Variants in ADAMTS12 observed in about 807,000 individuals in gnomAD.
ADAMTS12 encodes the protein ADAM metallopeptidase with thrombospondin type 1 motif 12.
A neutral mutation model predicts 167.8 loss-of-function variants in ADAMTS12; 118 were observed. The ratio of observed to expected loss-of-function variants is 0.70; its 90% CI spans 0.61 to 0.82. The LOEUF (loss-of-function observed/expected upper bound fraction) is 0.82, where lower values mean the gene tolerates loss of function less well. Ranked by LOEUF, ADAMTS12 falls within the 40% of genes least tolerant of loss-of-function variation. ADAMTS12 has a pLI of 0.00. For synonymous variants in ADAMTS12, 704 were observed against 716.9 expected (o/e 0.98, Z 0.29); for missense variants, 1,916 against 1,998.8 (o/e 0.96, Z 0.79).
chr5:33,574,468 A>G (rs1746567649), intron 19 of ADAMTS12, among the ~76,000 whole-genome samples: 1 of 152,218 alleles, frequency 6.6e-6, no homozygotes. Context: ...GAAATTGGAA[A>G]TCATCATTAT....
chr5:33,708,910 C>T (rs1033392137), intron 3 of ADAMTS12, among the ~76,000 whole-genome samples: 14 of 151,700 alleles, frequency 9.2e-5, no homozygotes, highest in East Asian at 5.8e-4. Context: ...CAAACCTGCA[C>T]GTTCTGTACA....
chr5:33,668,457 G>A lies in ADAMTS12; in HGVS notation c.916-6417C>T, dbSNP rs547847570. ...ATTTTAACCTACGGATCTGTTCCTT[G>A]ATGACTGATCTACTGATTTACATTA... is the stretch of plus-strand genomic sequence containing the variant. On this transcript the variant is annotated intron_variant, in intron 5 of 23. Transcript: ENST00000504830. Among the ~76,000 whole-genome samples, 6 of 152,238 alleles carry A rather than the reference G, an allele frequency of 3.9e-5. No homozygotes were observed. In the South Asian group the frequency reaches 1.0e-3, roughly 26 times the overall value.
chr5:33,616,207 G>A lies in ADAMTS12; in HGVS notation c.2144-135C>T, dbSNP rs114645085. ...ACCTTGCTGGGTGGCCACTGGAATT[G>A]GCAGAAGCACTACTTATGGGGGATT... On this transcript the variant is annotated intron_variant, in intron 14 of 23. Coordinates refer to ENST00000504830, the MANE Select transcript of ADAMTS12 (RefSeq NM_030955.4). 1.3e-3 allele frequency: 1,579 copies of A among 1,173,578 alleles called. 25 individuals are homozygous for A. The African/African-American group carries it at 0.022, about 17-fold the overall frequency. The allele number at this position is 1,173,578 out of a possible 1,614,324, so 72.7% of individuals were successfully genotyped here.
intron 2 of ADAMTS12, among the ~76,000 whole-genome samples, chr5:33,864,613 A>G (rs1749742265): frequency 6.6e-6 from 1 of 152,228 alleles, no homozygotes; most frequent in Non-Finnish European, 1.5e-5. Context: ...GATAGACTGG[A>G]TAGAGAAAAT....
At chr5:33,848,975 A>T (rs929914206) in intron 2 of ADAMTS12, among the ~76,000 whole-genome samples, 1 of 150,636 alleles carries the variant, frequency 6.6e-6, no homozygotes, top group Non-Finnish European at 1.5e-5. Flanking sequence ...TATGTATTGC[A>T]TAGCAATATA....
chr5:33,597,445 G>A (rs1199919484), intron 16 of ADAMTS12, among the ~76,000 whole-genome samples: 1 of 152,150 alleles, frequency 6.6e-6, no homozygotes. Flanking sequence ...AAGGCCCGGA[G>A]CAATCCAACG....
intron 1 of ADAMTS12, 66 bp downstream of exon 1, chr5:33,891,664 G>A (rs1750859010): frequency 2.5e-6 from 4 of 1,605,376 alleles, no homozygotes; most frequent in Non-Finnish European, 3.4e-6. Context: ...AGGGAAAGGG[G>A]AGCAACAAAA....
chr5:33,884,139 G>A (rs1249938847), intron 1 of ADAMTS12, among the ~76,000 whole-genome samples: 3 of 152,202 alleles, frequency 2.0e-5, no homozygotes, highest in African/African-American at 4.8e-5. Flanking sequence ...TCTATTAAGA[G>A]AAGCTCTGTG....
intron 2 of ADAMTS12, among the ~76,000 whole-genome samples, chr5:33,754,179 CAAAG>C: frequency 6.6e-6 from 1 of 152,290 alleles, no homozygotes; most frequent in Admixed American, 6.5e-5. Context: ...GTTTGCTTTC[CAAAG>C]AAAGGGCTGG....
At chr5:33,676,709 G>A (rs5021088) in intron 5 of ADAMTS12, among the ~76,000 whole-genome samples, 1 of 127,380 alleles carries the variant, frequency 7.9e-6, no homozygotes, top group South Asian at 2.7e-4. Flanking sequence ...CACACACACA[G>A]AGAGAGAGAG....
chr5:33,643,906 T>A (rs917141967), intron 9 of ADAMTS12, among the ~76,000 whole-genome samples: 2 of 152,232 alleles, frequency 1.3e-5, no homozygotes, highest in African/African-American at 2.4e-5. Context: ...AACTCTTCCA[T>A]CTAGAAAGCC....
At chr5:33,771,842 T>C (rs900145310) in intron 2 of ADAMTS12, among the ~76,000 whole-genome samples, 97 of 151,814 alleles carry the variant, frequency 6.4e-4, no homozygotes, top group Non-Finnish European at 2.7e-4. Context: ...TTCTTTCTTT[T>C]TTTTTTTTGA....
chr5:33,592,271 A>C (rs1224596466), intron 17 of ADAMTS12, among the ~76,000 whole-genome samples: 2 of 151,766 alleles, frequency 1.3e-5, no homozygotes, highest in Non-Finnish European at 2.9e-5. Context: ...AAAAACAAAA[A>C]ACAAAACAAA....
At chr5:33,844,951 C>A (rs116491214) in intron 2 of ADAMTS12, among the ~76,000 whole-genome samples, 1 of 152,036 alleles carries the variant, frequency 6.6e-6, no homozygotes, top group African/African-American at 2.4e-5. Context: ...GCAGGTTCCC[C>A]GATAATTTCT....
At chr5:33,537,116 A>T (rs559193308) in intron 22 of ADAMTS12, among the ~76,000 whole-genome samples, 15 of 152,366 alleles carry the variant, frequency 9.8e-5, no homozygotes, top group Admixed American at 9.1e-4. Context: ...TGGCTAGACT[A>T]GGCACACAAA....
At chr5:33,813,122 G>C (rs1184432203) in intron 2 of ADAMTS12, among the ~76,000 whole-genome samples, 2 of 152,214 alleles carry the variant, frequency 1.3e-5, no homozygotes, top group African/African-American at 4.8e-5. Context: ...TGGGTGACTT[G>C]CTGGATCACG....
chr5:33,645,181 T>TGC (rs1740617394), intron 9 of ADAMTS12, among the ~76,000 whole-genome samples: 1 of 127,700 alleles, frequency 7.8e-6, no homozygotes, highest in African/African-American at 2.8e-5. Context: ...ATTATTATTA[T>TGC]TATTGCGTGA....
At chr5:33,804,874 C>T (rs898254802) in intron 2 of ADAMTS12, among the ~76,000 whole-genome samples, 1 of 151,844 alleles carries the variant, frequency 6.6e-6, no homozygotes, top group Non-Finnish European at 1.5e-5. Flanking sequence ...CATTGTACTC[C>T]AAGAAATCAT....
At chr5:33,661,618 T>C (rs1741263375) in intron 6 of ADAMTS12, among the ~76,000 whole-genome samples, 1 of 152,236 alleles carries the variant, frequency 6.6e-6, no homozygotes, top group African/African-American at 2.4e-5. Context: ...TGATTGTTTA[T>C]AGAGCTACAT....
Sources: allele counts gnomAD v4.1 joint callset (sites outside exome capture counted in the v4.1 genomes callset), GRCh38; gene constraint gnomAD v4.1.1; transcripts MANE v1.5; gene names NCBI Gene and HGNC (gene_info 2026-07-23, HGNC 2026-07-21).